Variants in TCF4 observed in about 807,000 individuals in gnomAD.
TCF4 encodes the protein transcription factor 4.
A neutral mutation model predicts 82.1 loss-of-function variants in TCF4; 3 were observed. The observed-to-expected ratio is 0.04, with a 90% CI of 0.02 to 0.09. The LOEUF is 0.09. Among genes scored for constraint, TCF4 ranks in the 10% least tolerant of loss-of-function variants. The pLI is 1.00. For missense variants in TCF4, 518 were observed against 852.7 expected (o/e 0.61, Z 4.89); for synonymous variants, 276 against 309.6 (o/e 0.89, Z 1.14).
intron 3 of TCF4, among the ~76,000 whole-genome samples, chr18:55,509,669 A>G (rs753644687): frequency 1.1e-4 from 16 of 152,304 alleles, no homozygotes; most frequent in Admixed American, 2.0e-4. Context: ...TACTAAAACA[A>G]TAGAGGGTTG....
chr18:55,266,393 A>C (rs947106123), intron 11 of TCF4: 1 of 152,236 alleles, frequency 6.6e-6, no homozygotes, highest in Admixed American at 6.5e-5. Context: ...GAAGGTGCTG[A>C]TGCTGGTAAC....
At chr18:55,229,929 G>A (rs1186112854) in intron 17 of TCF4, 1 of 152,214 alleles carries the variant, frequency 6.6e-6, no homozygotes, top group African/African-American at 2.4e-5. Flanking sequence ...GGGTGCAGTG[G>A]CTCATGCCTA....
intron 3 of TCF4, among the ~76,000 whole-genome samples, chr18:55,533,489 G>T (rs954489320): frequency 2.6e-5 from 4 of 152,148 alleles, no homozygotes; most frequent in East Asian, 1.9e-4. Flanking sequence ...GAACCCATTA[G>T]AGCCTCCTCA....
At position 55,224,432 on chromosome 18, in the gene TCF4, T is replaced by C. The variant is rs748320134; in HGVS notation, c.*3603A>G. 16 of 152,652 alleles carry C rather than the reference T, an allele frequency of 1.0e-4. No individual in the cohort carries two copies. The highest frequency in any genetic ancestry group is 2.4e-4 in the Non-Finnish European group (16 of 68,030). 9.5% of individuals were successfully genotyped at this position (152,652 alleles called of 1,614,324 possible). Reference sequence around the variant, plus strand: ...GTGTTGGAATTCATCATATTCCATCTTGACTTTTTTGCTTCCAGTCAGCCA... The same window carrying C: ...GTGTTGGAATTCATCATATTCCATCCTGACTTTTTTGCTTCCAGTCAGCCA... On this transcript the variant is annotated 3_prime_UTR_variant, in exon 20 of 20. Transcript: ENST00000354452.
At chr18:55,432,234 C>T (rs1257526551) in intron 5 of TCF4, among the ~76,000 whole-genome samples, 3 of 152,096 alleles carry the variant, frequency 2.0e-5, no homozygotes, top group East Asian at 1.9e-4. Context: ...ACCCAGGAGG[C>T]GGAGGCTGCA....
chr18:55,307,648 T>G (rs1266874267), intron 8 of TCF4, among the ~76,000 whole-genome samples: 2 of 152,238 alleles, frequency 1.3e-5, no homozygotes, highest in African/African-American at 2.4e-5. Flanking sequence ...TAATGCAAAT[T>G]GGAATTTCTA....
chr18:55,238,961 G>A (rs1047602520), intron 15 of TCF4, among the ~76,000 whole-genome samples: 15 of 152,188 alleles, frequency 9.9e-5, no homozygotes, highest in African/African-American at 3.1e-4. Flanking sequence ...TACAAACGAG[G>A]AAGGGGGGAT....
chr18:55,335,048 G>A (rs963529515), intron 8 of TCF4, among the ~76,000 whole-genome samples: 1 of 152,124 alleles, frequency 6.6e-6, no homozygotes, highest in African/African-American at 2.4e-5. Context: ...GCTCTGTGAC[G>A]CTCTTGCTGA....
chr18:55,374,906 A>T (rs931172621), intron 6 of TCF4, among the ~76,000 whole-genome samples: 3 of 150,136 alleles, frequency 2.0e-5, no homozygotes, highest in Non-Finnish European at 4.4e-5. Context: ...GTCCCATGCA[A>T]TTTCCCCCAA....
intron 8 of TCF4, among the ~76,000 whole-genome samples, chr18:55,287,312 T>A (rs544067732): frequency 6.6e-6 from 1 of 152,292 alleles, no homozygotes; most frequent in South Asian, 2.1e-4. Context: ...ATACACCCCA[T>A]CACAAAAATC....
chr18:55,397,783 A>C (rs2093587978), intron 6 of TCF4, among the ~76,000 whole-genome samples: 1 of 152,210 alleles, frequency 6.6e-6, no homozygotes, highest in Admixed American at 6.6e-5. Context: ...AGAGACATGT[A>C]CTGAAAAATC....
At chr18:55,267,555 C>T (rs2059464977) in intron 11 of TCF4, 1 of 152,084 alleles carries the variant, frequency 6.6e-6, no homozygotes, top group African/African-American at 2.4e-5. Context: ...TGCATTTTCA[C>T]GTACGCAATT....
intron 3 of TCF4, among the ~76,000 whole-genome samples, chr18:55,524,146 T>C (rs926983185): frequency 9.2e-5 from 14 of 152,114 alleles, no homozygotes; most frequent in Admixed American, 2.0e-4. Context: ...GGATTGAGTA[T>C]ACAGAAGAAA....
rs571437045 is a variant in TCF4, at chr18:55,481,293, A to G, written c.146-17156T>C. On this transcript the variant is annotated intron_variant, in intron 3 of 19. Transcript: ENST00000354452. ...AGTATTTACACCATGGAAATTGGCA[A>G]AAATGACCAATAACGGCTTTTATTC... Among the ~76,000 whole-genome samples the G allele has an allele frequency of 2.6e-4, 39 of 152,324 alleles. 1 individual carries two copies. The highest frequency in any genetic ancestry group is 2.5e-3 in the South Asian group (12 of 4,822).
chr18:55,539,471 C>T (rs1191810027), intron 3 of TCF4, among the ~76,000 whole-genome samples: 1 of 152,094 alleles, frequency 6.6e-6, no homozygotes, highest in Non-Finnish European at 1.5e-5. Context: ...AATGCCAAAC[C>T]AATGAAATTC....
At chr18:55,369,902 C>T (rs1357024295) in intron 6 of TCF4, among the ~76,000 whole-genome samples, 1 of 146,614 alleles carries the variant, frequency 6.8e-6, no homozygotes, top group African/African-American at 2.6e-5. Flanking sequence ...AAGTGAACAT[C>T]AGAGTTTTAT....
chr18:55,394,755 AAAC>A (rs974390002), intron 6 of TCF4, among the ~76,000 whole-genome samples: 7 of 152,192 alleles, frequency 4.6e-5, no homozygotes, highest in Admixed American at 1.3e-4. Flanking sequence ...TGAGATTAGA[AAAC>A]AACACGCTGA....
At chr18:55,341,180 A>G (rs1263272487) in intron 8 of TCF4, among the ~76,000 whole-genome samples, 4 of 152,228 alleles carry the variant, frequency 2.6e-5, no homozygotes, top group Admixed American at 2.6e-4. Context: ...GCTAGGCAGC[A>G]TAGACAGCAC....
chr18:55,506,525 T>C (rs2096761797), intron 3 of TCF4, among the ~76,000 whole-genome samples: 1 of 152,106 alleles, frequency 6.6e-6, no homozygotes, highest in Non-Finnish European at 1.5e-5. Context: ...TCAGCTAGGA[T>C]AATACACACA....
Sources: gnomAD v4.1 joint callset for allele counts (sites outside exome capture counted in the v4.1 genomes callset) on GRCh38, gnomAD v4.1.1 for gene constraint, MANE v1.5 for transcripts, NCBI Gene and HGNC (gene_info 2026-07-23, HGNC 2026-07-21) for gene names.